The following CHL1 variants were observed in gnomAD, a reference collection of about 807,000 sequenced individuals.
CHL1 encodes the protein neural cell adhesion molecule L1-like protein.
CHL1 carries 96 observed loss-of-function variants against 141.9 expected under a neutral mutation model. The observed-to-expected ratio is 0.68, with a 90% confidence interval of 0.57 to 0.80. The LOEUF is 0.80. CHL1 is among the 30% of genes least tolerant of loss of function. The pLI is 0.00. For missense variants in CHL1, 1,820 were observed against 1,457.2 expected (o/e 1.25, Z -4.05); for synonymous variants, 613 against 502.2 (o/e 1.22, Z -2.95).
At chr3:346,250 T>C (rs146332559) in intron 9 of CHL1, among the ~76,000 whole-genome samples, 91 of 152,362 alleles carry the variant, frequency 6.0e-4, no homozygotes, top group African/African-American at 2.0e-3. Context: ...ACTCCCAATG[T>C]GTATTTACAT....
intron 27 of CHL1, among the ~76,000 whole-genome samples, chr3:403,843 C>G (rs544566019): frequency 4.6e-5 from 7 of 152,222 alleles, no homozygotes; most frequent in Admixed American, 4.6e-4. Context: ...GATGCTGTGC[C>G]CTTGCATAAG....
rs950128019 is a variant in CHL1 at position 405,766 on chromosome 3, G to A, written c.*55G>A. 3.0e-6 allele frequency: 4 copies of A among 1,333,006 alleles called. No homozygotes were observed. The highest frequency in any genetic ancestry group is 2.4e-5 in the South Asian group (2 of 82,182). 82.6% of individuals were successfully genotyped at this position (1,333,006 alleles called of 1,614,324 possible). A position where few individuals can be genotyped will look rare whatever the true frequency, so the allele number is the denominator to read the frequency against. On this transcript the variant is annotated 3_prime_UTR_variant, in exon 28 of 28. Coordinates refer to ENST00000256509, the MANE Select transcript of CHL1 (RefSeq NM_006614.4). ...TCACCCCAACCTTCCATATTTATCT[G>A]TTCAAAGGAGCAAGAACTTTCATAT...
At chr3:247,002 A>C (rs576900803) in intron 2 of CHL1, 1 of 152,052 alleles carries the variant, frequency 6.6e-6, no homozygotes, top group Admixed American at 6.6e-5. Context: ...ACTGCATCTC[A>C]TACTGATTTA....
intron 2 of CHL1, among the ~76,000 whole-genome samples, chr3:281,052 T>A (rs1054307270): frequency 6.6e-6 from 1 of 152,028 alleles, no homozygotes; most frequent in African/African-American, 2.4e-5. Context: ...AATGTCTAGA[T>A]ACATTTTTTG....
At chr3:203,222 C>T (rs557612948) in intron 1 of CHL1, among the ~76,000 whole-genome samples, 7 of 152,284 alleles carry the variant, frequency 4.6e-5, no homozygotes, top group African/African-American at 1.2e-4. Flanking sequence ...CTTTGAACAC[C>T]GCTTGTATAA....
In CHL1 at chr3:329,930, A is replaced by G. The variant is rs146302881; in HGVS notation, c.385+1576A>G. Among the ~76,000 whole-genome samples the G allele has an allele frequency of 6.8e-4, 103 of 152,216 alleles. 1 individual carries two copies. The highest frequency in any genetic ancestry group is 2.4e-3 in the African/African-American group (101 of 41,572). ...ACTACAAAGAGAAATAGACAAATTC[A>G]CCATAATAATGAGATATTAACATAT... On this transcript the variant is annotated intron_variant, in intron 5 of 27. Coordinates refer to ENST00000256509, the MANE Select transcript of CHL1 (RefSeq NM_006614.4).
chr3:366,219 C>A, intron 15 of CHL1, 104 bp downstream of exon 15: 1 of 1,130,124 alleles, frequency 8.8e-7, no homozygotes, highest in Non-Finnish European at 1.3e-6. Flanking sequence ...GCTTGTAATC[C>A]CAGCACTTTG....
intron 2 of CHL1, among the ~76,000 whole-genome samples, chr3:265,191 C>T (rs1695050490): frequency 6.6e-6 from 1 of 152,170 alleles, no homozygotes; most frequent in South Asian, 2.1e-4. Flanking sequence ...CTAAGGTTCA[C>T]ATTCTTGCTT....
intron 2 of CHL1, among the ~76,000 whole-genome samples, chr3:279,441 A>G (rs1210595838): frequency 6.6e-6 from 1 of 152,156 alleles, no homozygotes; most frequent in Non-Finnish European, 1.5e-5. Context: ...TTTAAAATTC[A>G]TATACAGCAA....
intron 1 of CHL1, chr3:198,204 G>GT: frequency 6.0e-6 from 1 of 167,884 alleles, no homozygotes; most frequent in Non-Finnish European, 1.3e-5. Context: ...GGGCAGGTGT[G>GT]CGTCGGCAGG....
rs532285223 is a variant in CHL1 at position 366,255 on chromosome 3, G to C, written c.1751+140G>C. ...GGAGACCGAGGCGAGTGGATCACTTGAGGTCAGGAGTTCGAGACTAGCCTG... is the reference window on the plus strand; with the variant it reads ...GGAGACCGAGGCGAGTGGATCACTTCAGGTCAGGAGTTCGAGACTAGCCTG... On this transcript the variant is annotated intron_variant, in intron 15 of 27. Coordinates refer to ENST00000256509, the MANE Select transcript of CHL1 (RefSeq NM_006614.4). 2.0e-4 allele frequency: 147 copies of C among 726,672 alleles called. 1 individual carries two copies. Among genetic ancestry groups the C allele is most frequent in the Non-Finnish European group, 3.0e-4 (135 of 444,372 alleles). 45.0% of individuals were successfully genotyped at this position (726,672 alleles called of 1,614,324 possible).
intron 2 of CHL1, among the ~76,000 whole-genome samples, chr3:319,352 A>G (rs146047745): frequency 7.2e-5 from 11 of 151,852 alleles, no homozygotes; most frequent in African/African-American, 2.7e-4. Context: ...CAAACCTGCA[A>G]AGTTACCTCC....
chr3:381,478 T>A (rs956787360), intron 16 of CHL1, among the ~76,000 whole-genome samples: 1 of 152,134 alleles, frequency 6.6e-6, no homozygotes, highest in Non-Finnish European at 1.5e-5. Flanking sequence ...GTGAAGGTAT[T>A]TAAAAGCAGG....
chr3:391,186 G>A (rs1488655653), intron 22 of CHL1, 27 bp downstream of exon 22: 4 of 1,538,036 alleles, frequency 2.6e-6, no homozygotes, highest in African/African-American at 1.4e-5. Flanking sequence ...GTAGAGTCAT[G>A]TCAAAAATGG....
At chr3:354,944 T>A (rs1703586509) in intron 11 of CHL1, among the ~76,000 whole-genome samples, 173 bp downstream of exon 11, 1 of 152,232 alleles carries the variant, frequency 6.6e-6, no homozygotes, top group Non-Finnish European at 1.5e-5. Context: ...AGACTTGATA[T>A]TCATGGAAGA....
At chr3:303,596 T>G (rs1032447914) in intron 2 of CHL1, among the ~76,000 whole-genome samples, 1 of 152,228 alleles carries the variant, frequency 6.6e-6, no homozygotes, top group East Asian at 1.9e-4. Flanking sequence ...TCCTGAGGCT[T>G]TGCTGAAGTT....
intron 2 of CHL1, among the ~76,000 whole-genome samples, chr3:293,681 T>G (rs1697918168): frequency 6.6e-6 from 1 of 152,208 alleles, no homozygotes; most frequent in Non-Finnish European, 1.5e-5. Context: ...ACTTTCACTT[T>G]TGTTCTGTCA....
intron 1 of CHL1, among the ~76,000 whole-genome samples, chr3:208,587 T>C (rs1456310580): frequency 6.6e-6 from 1 of 152,188 alleles, no homozygotes; most frequent in Non-Finnish European, 1.5e-5. Context: ...TTCAACCAGA[T>C]TTACATTGTG....
In CHL1 at chr3:360,438, G is replaced by A. The variant is rs1208202329; in HGVS notation, c.1306+14G>A. On this transcript the variant is annotated intron_variant, in intron 12 of 27. Coordinates refer to ENST00000256509, the MANE Select transcript of CHL1 (RefSeq NM_006614.4). Reference sequence around the variant, plus strand: ...TTGATGTTGTGGGTGAGTGTGCCTGGGAGCTGACTTAACATGCTATTTTCC... The same window carrying A: ...TTGATGTTGTGGGTGAGTGTGCCTGAGAGCTGACTTAACATGCTATTTTCC... The A allele has an allele frequency of 3.1e-6, 5 of 1,612,384 alleles. No homozygotes were observed. The highest frequency in any genetic ancestry group is 2.2e-5 in the East Asian group (1 of 44,826).
Sources: gnomAD v4.1 joint callset for allele counts (sites outside exome capture counted in the v4.1 genomes callset) on GRCh38, gnomAD v4.1.1 for gene constraint, MANE v1.5 for transcripts, NCBI Gene and HGNC (gene_info 2026-07-23, HGNC 2026-07-21) for gene names.